PTPRS: variants seen among roughly 807,000 people sequenced by gnomAD.
PTPRS encodes protein tyrosine phosphatase receptor type S.
A neutral mutation model predicts 215.3 loss-of-function variants in PTPRS; 63 were observed. The ratio of observed to expected loss-of-function variants is 0.29; its 90% CI spans 0.24 to 0.36. The LOEUF (loss-of-function observed/expected upper bound fraction) is 0.36. Among genes scored for constraint, PTPRS ranks in the 10% least tolerant of loss-of-function variants. PTPRS has a pLI of 1.00. For synonymous variants in PTPRS, 1,404 were observed against 1,191.4 expected (o/e 1.18, Z -3.68); for missense variants, 2,258 against 2,825.8 (o/e 0.80, Z 4.56).
intron 1 of PTPRS, among the ~76,000 whole-genome samples, chr19:5,324,780 G>C (rs1363781637): frequency 6.6e-6 from 1 of 152,172 alleles, no homozygotes; most frequent in Non-Finnish European, 1.5e-5. Flanking sequence ...AGGACCACGA[G>C]GCACTCAGCT....
chr19:5,208,639 G>C (rs554482704), intron 35 of PTPRS, among the ~76,000 whole-genome samples: 1 of 152,078 alleles, frequency 6.6e-6, no homozygotes, highest in East Asian at 1.9e-4. Flanking sequence ...TGAGCCACCA[G>C]GCCCGGCCCT....
chr19:5,273,387 G>C, intron 4 of PTPRS, 55 bp downstream of exon 4: 1 of 1,611,500 alleles, frequency 6.2e-7, no homozygotes, highest in Non-Finnish European at 8.5e-7. Flanking sequence ...TTTTGTGCTT[G>C]TCCCCAAAGC....
chr19:5,310,688 C>G (rs933859434), intron 1 of PTPRS, among the ~76,000 whole-genome samples: 1 of 151,564 alleles, frequency 6.6e-6, no homozygotes, highest in Non-Finnish European at 1.5e-5. Flanking sequence ...GGCTTTATGG[C>G]TTTTGTTTTT....
At chr19:5,308,425 C>T (rs1034101295) in intron 1 of PTPRS, among the ~76,000 whole-genome samples, 3 of 152,184 alleles carry the variant, frequency 2.0e-5, no homozygotes, top group African/African-American at 7.2e-5. Context: ...TATAGTGTCC[C>T]CAGTCCCAGC....
At chr19:5,337,150 T>C (rs911612905) in intron 1 of PTPRS, among the ~76,000 whole-genome samples, 2 of 152,176 alleles carry the variant, frequency 1.3e-5, no homozygotes, top group Non-Finnish European at 1.5e-5. Flanking sequence ...GCTTAATGGG[T>C]AGCAGGGGGA....
At chr19:5,229,449 G>T (rs2042823837) in intron 15 of PTPRS, 42 bp downstream of exon 15, 12 of 1,339,960 alleles carry the variant, frequency 9.0e-6, no homozygotes, top group Non-Finnish European at 1.2e-5. Context: ...GCCCGTCCCC[G>T]CCCGGAGCCC....
intron 1 of PTPRS, among the ~76,000 whole-genome samples, chr19:5,323,645 C>A (rs1172577305): frequency 5.9e-5 from 9 of 152,186 alleles, no homozygotes; most frequent in Admixed American, 5.9e-4. Flanking sequence ...GTGGCTGGAA[C>A]AGAGTGAGGA....
At position 5,231,494 on chromosome 19, in the gene PTPRS, G is replaced by A; in HGVS notation, c.1971C>T (p.Arg657=). 1.2e-6 allele frequency: 2 copies of A among 1,612,712 alleles called. No individual in the cohort carries two copies. The highest frequency in any genetic ancestry group is 1.7e-6 in the Non-Finnish European group (2 of 1,179,878). ...GGTCCTCTGAGCCCAGCGGTCGGTA[G>A]CGGACGCTGTAGCCCACCAGGGCCC... The part of the protein sequence containing the change: ...HNGALVGYSV[R]YRPLGSEDPE... The change falls in exon 14 of 38, where the codon CGC becomes CGT. Residue 657 remains arginine (R), a synonymous_variant. Coordinates refer to ENST00000262963, the MANE Select transcript of PTPRS (RefSeq NM_002850.4).
chr19:5,291,352 G>A (rs1249999336), intron 1 of PTPRS, among the ~76,000 whole-genome samples: 2 of 152,112 alleles, frequency 1.3e-5, no homozygotes, highest in African/African-American at 4.8e-5. Context: ...AGGGGGCTGG[G>A]CTGGGTTAGG....
chr19:5,316,555 G>A, intron 1 of PTPRS, among the ~76,000 whole-genome samples: 1 of 152,190 alleles, frequency 6.6e-6, no homozygotes, highest in Non-Finnish European at 1.5e-5. Context: ...ACCACGCCCG[G>A]CTAATTTTTT....
intron 12 of PTPRS, 66 bp from the exon 13 acceptor site, chr19:5,239,129 GGA>G (rs1170884094): frequency 2.1e-3 from 2,396 of 1,146,014 alleles, no homozygotes; most frequent in East Asian, 3.0e-3. Context: ...GAAACAAAGG[GGA>G]GAGAGAGAGA....
At chr19:5,243,125 CTTT>C (rs746936561) in intron 11 of PTPRS, among the ~76,000 whole-genome samples, 5 of 138,044 alleles carry the variant, frequency 3.6e-5, no homozygotes, top group Admixed American at 2.2e-4. Flanking sequence ...GGCTAGCTCT[CTTT>C]TTTTTTTTTT....
rs2050569719 is a variant in PTPRS at position 5,338,239 on chromosome 19, T to C, written c.-95+2425A>G. Among the ~76,000 whole-genome samples the C allele has an allele frequency of 6.6e-6, 1 of 152,176 alleles. No individual in the cohort carries two copies. The highest frequency in any genetic ancestry group is 1.5e-5 in the Non-Finnish European group (1 of 68,030). Reference sequence around the variant, plus strand: ...GGCCAGGGTGGCAGAAATAGAAAAGTGCGTGAGCTCACCAGGCAGCCTGGG... The same window carrying C: ...GGCCAGGGTGGCAGAAATAGAAAAGCGCGTGAGCTCACCAGGCAGCCTGGG... On this transcript the variant is annotated intron_variant, in intron 1 of 37. Transcript: ENST00000262963. The surrounding 1 kb of genome is among the most constrained non-coding windows in gnomAD (Gnocchi z 4.2).
intron 16 of PTPRS, among the ~76,000 whole-genome samples, 178 bp downstream of exon 16, chr19:5,229,138 T>C (rs1269679656): frequency 6.6e-6 from 1 of 152,202 alleles, no homozygotes; most frequent in Non-Finnish European, 1.5e-5. Context: ...CCCATTTCCC[T>C]GGTGCAAACA....
At chr19:5,323,622 C>T (rs1156877138) in intron 1 of PTPRS, among the ~76,000 whole-genome samples, 3 of 152,188 alleles carry the variant, frequency 2.0e-5, no homozygotes, top group African/African-American at 2.4e-5. Context: ...GGAGGAACAG[C>T]GAGGAGGCCC....
chr19:5,330,980 G>C (rs988841335), intron 1 of PTPRS, among the ~76,000 whole-genome samples: 4 of 152,148 alleles, frequency 2.6e-5, no homozygotes, highest in Admixed American at 1.3e-4. Context: ...CAGGACAGAT[G>C]TGCAGAGGGA....
At chr19:5,305,109 G>A (rs2049437112) in intron 1 of PTPRS, among the ~76,000 whole-genome samples, 1 of 152,172 alleles carries the variant, frequency 6.6e-6, no homozygotes, top group African/African-American at 2.4e-5. Flanking sequence ...ATCTCCCCAA[G>A]ACATAAAAAC....
intron 9 of PTPRS, among the ~76,000 whole-genome samples, chr19:5,251,285 TC>T (rs11408463): frequency 2.0e-5 from 3 of 147,168 alleles, no homozygotes; most frequent in South Asian, 4.7e-4. Context: ...CTCCCGCCTC[TC>T]CCCCCCACCG....
At chr19:5,256,151 C>T in intron 8 of PTPRS, 32 bp from the exon 9 acceptor site, 1 of 1,502,518 alleles carries the variant, frequency 6.7e-7, no homozygotes, top group Non-Finnish European at 9.2e-7. Flanking sequence ...TGATGCAGAA[C>T]ACAATGACAT....
Sources: allele counts gnomAD v4.1 joint callset (sites outside exome capture counted in the v4.1 genomes callset), GRCh38; gene constraint gnomAD v4.1.1; non-coding constraint Gnocchi (gnomAD v3.1); transcripts MANE v1.5; gene names NCBI Gene and HGNC (gene_info 2026-07-23, HGNC 2026-07-21).